Variants in ANKRD12 observed in about 807,000 individuals in gnomAD.
The protein encoded by ANKRD12 is ankyrin repeat domain-containing protein 12.
ANKRD12 carries 85 observed loss-of-function variants against 183.4 expected under a neutral mutation model. The ratio of observed to expected loss-of-function variants is 0.46; its 90% CI spans 0.39 to 0.56. ANKRD12 has a LOEUF of 0.56. Among genes scored for constraint, ANKRD12 ranks in the 20% least tolerant of loss-of-function variants. ANKRD12 has a pLI of 0.00. For missense variants in ANKRD12, 2,405 were observed against 2,357.1 expected, an observed-to-expected ratio of 1.02 and a Z score of -0.42; for synonymous variants, 914 against 800.2, an observed-to-expected ratio of 1.14 and a Z score of -2.40.
chr18:9,181,773 G>A (rs2033716683), intron 1 of ANKRD12, among the ~76,000 whole-genome samples: 1 of 152,118 alleles, frequency 6.6e-6, no homozygotes, highest in African/African-American at 2.4e-5. Flanking sequence ...TTAGGAGAAT[G>A]TTTGACCTAT....
chr18:9,249,844 T>A (rs1443598), intron 8 of ANKRD12: 2 of 152,248 alleles, frequency 1.3e-5, no homozygotes, highest in East Asian at 3.9e-4. Flanking sequence ...TTAGAACCCA[T>A]ATAAATATGC....
chr18:9,256,027 G>A lies in ANKRD12; in HGVS notation c.2760G>A (p.Arg920=), dbSNP rs780739102. The A allele has an allele frequency of 1.1e-5, 17 of 1,556,200 alleles. 2 individuals are homozygous for A. In the South Asian group the frequency reaches 2.0e-4, roughly 18 times the overall value. ...KHDKEKPEKE[R]HLAESKEKHL... Reference sequence around the variant, plus strand: ...ACAAAGAAAAGCCTGAAAAAGAGAGGCATCTAGCAGAAAGCAAAGAAAAGC... The same window carrying A: ...ACAAAGAAAAGCCTGAAAAAGAGAGACATCTAGCAGAAAGCAAAGAAAAGC... Residue 920 remains arginine, a synonymous_variant, in exon 9 of 13, where the codon AGG becomes AGA. Transcript: ENST00000262126.
At chr18:9,171,119 G>T (rs200175269) in intron 1 of ANKRD12, among the ~76,000 whole-genome samples, 1 of 152,148 alleles carries the variant, frequency 6.6e-6, no homozygotes, top group Non-Finnish European at 1.5e-5. Context: ...GCCCCTACTG[G>T]GGGTGCCTCC....
chr18:9,197,460 T>C (rs537837665), intron 3 of ANKRD12, among the ~76,000 whole-genome samples: 176 of 152,304 alleles, frequency 1.2e-3, no homozygotes, highest in African/African-American at 4.0e-3. Flanking sequence ...ACCCCCTTTT[T>C]CCCCCTTCAC....
intron 2 of ANKRD12, among the ~76,000 whole-genome samples, chr18:9,192,501 G>A (rs978520867): frequency 2.0e-5 from 3 of 152,056 alleles, no homozygotes; most frequent in African/African-American, 7.2e-5. Flanking sequence ...TTTGTATCTT[G>A]TGCTGTTTTT....
chr18:9,267,711 AC>A (rs1442437775), intron 10 of ANKRD12, among the ~76,000 whole-genome samples: 15 of 152,242 alleles, frequency 9.9e-5, no homozygotes, highest in Admixed American at 2.6e-4. Context: ...AATTAAAAGA[AC>A]TAGAGAAGCA....
intron 11 of ANKRD12, among the ~76,000 whole-genome samples, chr18:9,277,321 CTTTT>C (rs773999861): frequency 4.7e-5 from 4 of 84,642 alleles, no homozygotes; most frequent in Non-Finnish European, 6.8e-5. Flanking sequence ...CACCCTGTTT[CTTTT>C]TTTTTTTTTT....
At position 9,193,790 on chromosome 18, in the gene ANKRD12, T is replaced by C. The variant is rs541911407; in HGVS notation, c.88-1761T>C. Among the ~76,000 whole-genome samples, 7 of 152,354 alleles carry C rather than the reference T, an allele frequency of 4.6e-5. No individual in the cohort carries two copies. In the East Asian group the frequency reaches 1.3e-3, roughly 29 times the overall value. ...ATAAATTATCACTTATTATCATAGC[T>C]TGGGGAATGTTCTTTTAAGATCTCC... On this transcript the variant is annotated intron_variant, in intron 2 of 12. Coordinates refer to ENST00000262126, the MANE Select transcript of ANKRD12 (RefSeq NM_015208.5).
At chr18:9,138,273 G>A (rs1192162272) in intron 1 of ANKRD12, among the ~76,000 whole-genome samples, 1 of 152,238 alleles carries the variant, frequency 6.6e-6, no homozygotes, top group African/African-American at 2.4e-5. Flanking sequence ...AGCACTTTGG[G>A]AGGCCGACGT....
chr18:9,217,186 T>G (rs1356338996), intron 7 of ANKRD12, among the ~76,000 whole-genome samples: 3 of 152,232 alleles, frequency 2.0e-5, no homozygotes, highest in Non-Finnish European at 4.4e-5. Flanking sequence ...GTTAAAGCAG[T>G]CTTTATATAT....
At position 9,285,937 on chromosome 18, in the gene ANKRD12, G is replaced by C. The variant is rs1258978298; in HGVS notation, c.*4811G>C. ...TCGTTCTCTTGTTGGTATTTGGATT[G>C]TTTCCAGTTTGGGACTATTGTTAAT... On this transcript the variant is annotated 3_prime_UTR_variant, in exon 13 of 13. Coordinates refer to ENST00000262126, the MANE Select transcript of ANKRD12 (RefSeq NM_015208.5). 1 of 152,170 alleles carries C rather than the reference G, an allele frequency of 6.6e-6. No individual in the cohort carries two copies. Among genetic ancestry groups the C allele is most frequent in the Non-Finnish European group, 1.5e-5 (1 of 68,028 alleles). The allele number at this position is 152,170 out of a possible 1,614,324, so 9.4% of individuals were successfully genotyped here.
intron 8 of ANKRD12, among the ~76,000 whole-genome samples, chr18:9,228,911 CT>C (rs35586900): frequency 0.75 from 111,555 of 148,118 alleles, 41,803 homozygotes; most frequent in South Asian, 0.82. Flanking sequence ...TTTCCATGTG[CT>C]TTTTTTTTTT....
chr18:9,232,255 T>G (rs985062186), intron 8 of ANKRD12, among the ~76,000 whole-genome samples: 11 of 152,252 alleles, frequency 7.2e-5, no homozygotes, highest in African/African-American at 2.7e-4. Context: ...TAGTAACTAT[T>G]GTTCTTTCAC....
Position 9,257,361 on chromosome 18 carries a change from T to C in ANKRD12, c.4094T>C (p.Ile1365Thr), listed in dbSNP as rs1056941252. The C allele has an allele frequency of 4.3e-6, 7 of 1,614,174 alleles. No homozygotes were observed. The highest frequency in any genetic ancestry group is 1.1e-5 in the South Asian group (1 of 91,084). Residue 1365 changes from isoleucine (I) to threonine (T), a missense_variant, in exon 9 of 13, where the codon ATA becomes ACA. Around this residue, in one of 7 missense-constraint regions of ANKRD12, gnomAD observed 1,983 missense variants for 1,725.9 expected, o/e 1.15. Coordinates refer to ENST00000262126, the MANE Select transcript of ANKRD12 (RefSeq NM_015208.5). ...AGAGACCTTTCAAATGTATCTAACA[T>C]ACATTCCAGTTTTGCAACTTCTCCA... ...PERDLSNVSN[I>T]HSSFATSPTG... is the part of the protein sequence containing the mutation.
At chr18:9,239,458 CTATGT>C (rs1201736377) in intron 8 of ANKRD12, 23 of 1,171,590 alleles carry the variant, frequency 2.0e-5, no homozygotes, top group Non-Finnish European at 5.7e-6. Flanking sequence ...TGTTCATCAG[CTATGT>C]ATTGATTTTT....
rs114994418 is a variant in ANKRD12, at chr18:9,141,025, G to A, written c.-52+4060G>A. 5.6e-3 allele frequency among the ~76,000 whole-genome samples: 845 copies of A among 152,094 alleles called. 5 individuals carry two copies. Among genetic ancestry groups the A allele is most frequent in the African/African-American group, 0.02 (815 of 41,480 alleles). The stretch of plus-strand genomic sequence containing the variant: ...ATCCTGTTTTATTAACCATTGCTCT[G>A]CCTCTAATTAAGAGTGTTGGTTTTC... On this transcript the variant is annotated intron_variant, in intron 1 of 12. Coordinates refer to ENST00000262126, the MANE Select transcript of ANKRD12 (RefSeq NM_015208.5).
rs184096286 is a variant in ANKRD12 at position 9,271,782 on chromosome 18, A to G, written c.5764-3742A>G. 1.9e-4 allele frequency among the ~76,000 whole-genome samples: 29 copies of G among 152,336 alleles called. No homozygotes were observed. In the East Asian group the frequency reaches 5.2e-3, roughly 27 times the overall value. On this transcript the variant is annotated intron_variant, in intron 10 of 12. Transcript: ENST00000262126. ...CAAAGCTGCAGATACTTATGATTCTACTGTGGTTTGTAGACATATTCATGA... is the reference window on the plus strand; with the variant it reads ...CAAAGCTGCAGATACTTATGATTCTGCTGTGGTTTGTAGACATATTCATGA...
At chr18:9,173,322 G>A (rs2032928078) in intron 1 of ANKRD12, among the ~76,000 whole-genome samples, 1 of 151,988 alleles carries the variant, frequency 6.6e-6, no homozygotes, top group Admixed American at 6.6e-5. Context: ...CGCCCTCCTC[G>A]GCCTCCCAAA....
At chr18:9,234,070 C>CA (rs5823046) in intron 8 of ANKRD12, among the ~76,000 whole-genome samples, 87,022 of 151,870 alleles carry the variant, frequency 0.57, 25,748 homozygotes, top group South Asian at 0.75. Flanking sequence ...CAGTCCCAGA[C>CA]ACAACTCTCA....
Sources: allele counts gnomAD v4.1 joint callset (sites outside exome capture counted in the v4.1 genomes callset), GRCh38; gene constraint gnomAD v4.1.1; regional missense constraint gnomAD v4.1.1; transcripts MANE v1.5; gene names NCBI Gene and HGNC (gene_info 2026-07-23, HGNC 2026-07-21).